The following LMX1A variants were observed in gnomAD, a reference collection of about 807,000 sequenced individuals.
The protein encoded by LMX1A is LIM homeobox transcription factor 1-alpha.
Under a neutral mutation model 49.1 loss-of-function variants are expected in LMX1A, and 15 were observed. That is an observed-to-expected ratio of 0.31 (90% confidence interval 0.20 to 0.47). The LOEUF (loss-of-function observed/expected upper bound fraction) is 0.47, where lower values mean the gene tolerates loss of function less well. LMX1A is among the 20% of genes least tolerant of loss of function. The pLI, the probability that LMX1A is intolerant of heterozygous loss-of-function variation, is 1.00. For synonymous variants in LMX1A, 167 were observed against 185.7 expected (o/e 0.90, Z 0.82); for missense variants, 372 against 475.8 (o/e 0.78, Z 2.03).
chr1:165,258,641 T>A (rs964871238), intron 3 of LMX1A, among the ~76,000 whole-genome samples: 2 of 152,170 alleles, frequency 1.3e-5, no homozygotes, highest in African/African-American at 4.8e-5. Context: ...TGTCTGCACG[T>A]CCCAGAGGCT....
chr1:165,251,187 A>T (rs1653049622), intron 3 of LMX1A, among the ~76,000 whole-genome samples: 1 of 150,894 alleles, frequency 6.6e-6, no homozygotes, highest in Admixed American at 6.6e-5. Context: ...GGTTCAAGCG[A>T]TTCTCCTGCC....
intron 4 of LMX1A, among the ~76,000 whole-genome samples, chr1:165,234,157 C>T (rs7550097): frequency 0.12 from 18,163 of 152,192 alleles, 1,196 homozygotes; most frequent in Non-Finnish European, 0.15. Flanking sequence ...CTCACTCACA[C>T]CAGGATCTCA....
At chr1:165,326,389 T>C (rs1655580715) in intron 3 of LMX1A, among the ~76,000 whole-genome samples, 1 of 152,232 alleles carries the variant, frequency 6.6e-6, no homozygotes. Context: ...GTAACTGCTT[T>C]GCAGACTCCC....
intron 3 of LMX1A, among the ~76,000 whole-genome samples, chr1:165,334,679 T>C (rs886893959): frequency 2.0e-5 from 3 of 152,202 alleles, no homozygotes; most frequent in African/African-American, 7.2e-5. Flanking sequence ...GCTGATGTTG[T>C]CCTGACCATG....
At chr1:165,220,876 G>A (rs1651818666) in intron 4 of LMX1A, among the ~76,000 whole-genome samples, 1 of 152,180 alleles carries the variant, frequency 6.6e-6, no homozygotes, top group Non-Finnish European at 1.5e-5. Context: ...ACTAAGCTGT[G>A]TGCCCTTGGA....
chr1:165,316,349 C>T (rs957949032), intron 3 of LMX1A, among the ~76,000 whole-genome samples: 3 of 152,196 alleles, frequency 2.0e-5, no homozygotes, highest in African/African-American at 7.2e-5. Flanking sequence ...GGGAGCACAG[C>T]GTTGCTGCTT....
intron 5 of LMX1A, chr1:165,213,304 G>T: frequency 4.6e-6 from 1 of 217,962 alleles, no homozygotes; most frequent in Non-Finnish European, 8.9e-6. Flanking sequence ...GCAAGCCACT[G>T]TGTTTTTATA....
At position 165,268,607 on chromosome 1, in the gene LMX1A, G is replaced by A. The variant is rs150024131; in HGVS notation, c.264-18967C>T. On this transcript the variant is annotated intron_variant, in intron 3 of 8. Coordinates refer to ENST00000342310, the MANE Select transcript of LMX1A (RefSeq NM_177398.4). ...TTTTCTAGTATTTAAGGGCAGCTATGATATAGCAGAAAGAGCACTGAAAGG... is the reference window on the plus strand; with the variant it reads ...TTTTCTAGTATTTAAGGGCAGCTATAATATAGCAGAAAGAGCACTGAAAGG... Among the ~76,000 whole-genome samples the A allele has an allele frequency of 5.9e-3, 902 of 152,342 alleles. 8 individuals carry two copies. Among genetic ancestry groups the A allele is most frequent in the Middle Eastern group, 0.054 (16 of 294 alleles).
chr1:165,262,169 T>C (rs944150817), intron 3 of LMX1A, among the ~76,000 whole-genome samples: 1 of 152,184 alleles, frequency 6.6e-6, no homozygotes, highest in Non-Finnish European at 1.5e-5. Flanking sequence ...CCAGCCTCCC[T>C]TGCAGCTAGG....
At chr1:165,223,230 C>A (rs190239366) in intron 4 of LMX1A, among the ~76,000 whole-genome samples, 29 of 152,244 alleles carry the variant, frequency 1.9e-4, no homozygotes, top group Non-Finnish European at 2.9e-5. Flanking sequence ...ACAGTACAGA[C>A]ACAGTAGATA....
chr1:165,282,432 C>T (rs1278613561), intron 3 of LMX1A, among the ~76,000 whole-genome samples: 1 of 152,138 alleles, frequency 6.6e-6, no homozygotes, highest in Non-Finnish European at 1.5e-5. Context: ...CTTATAATAC[C>T]TAACACAACA....
intron 3 of LMX1A, among the ~76,000 whole-genome samples, chr1:165,332,302 A>C (rs1655771571): frequency 6.6e-6 from 1 of 152,206 alleles, no homozygotes. Flanking sequence ...TAATTAAATT[A>C]AATGTTAATG....
chr1:165,220,708 C>T (rs1293358176), intron 4 of LMX1A, among the ~76,000 whole-genome samples: 1 of 152,174 alleles, frequency 6.6e-6, no homozygotes, highest in African/African-American at 2.4e-5. Flanking sequence ...GTCATCTGTA[C>T]ATGCCTTGGG....
chr1:165,230,077 T>G (rs1041332881), intron 4 of LMX1A, among the ~76,000 whole-genome samples: 2 of 152,224 alleles, frequency 1.3e-5, no homozygotes, highest in African/African-American at 4.8e-5. Flanking sequence ...TTTTGCCACT[T>G]GAGAGCACAA....
At chr1:165,247,323 C>G (rs1383731510) in intron 4 of LMX1A, among the ~76,000 whole-genome samples, 1 of 151,946 alleles carries the variant, frequency 6.6e-6, no homozygotes, top group Non-Finnish European at 1.5e-5. Flanking sequence ...AACACCTAAG[C>G]CCTTGGGAAA....
intron 3 of LMX1A, among the ~76,000 whole-genome samples, chr1:165,341,589 A>AAT (rs5778445): frequency 0.29 from 41,704 of 146,318 alleles, 5,922 homozygotes; most frequent in Non-Finnish European, 0.3. Flanking sequence ...CAATAAACCA[A>AAT]ATATATATAT....
chr1:165,257,056 G>A (rs1030038468), intron 3 of LMX1A, among the ~76,000 whole-genome samples: 11 of 152,146 alleles, frequency 7.2e-5, no homozygotes, highest in African/African-American at 2.7e-4. Flanking sequence ...AAGGAAGGGG[G>A]CTTGTGGAGG....
At chr1:165,225,668 A>G (rs187031460) in intron 4 of LMX1A, among the ~76,000 whole-genome samples, 3 of 152,310 alleles carry the variant, frequency 2.0e-5, no homozygotes, top group African/African-American at 7.2e-5. Flanking sequence ...CATGTCCCCA[A>G]ATCACCTGGT....
chr1:165,311,347 A>T (rs1655070624), intron 3 of LMX1A, among the ~76,000 whole-genome samples: 1 of 152,208 alleles, frequency 6.6e-6, no homozygotes, highest in Admixed American at 6.5e-5. Context: ...TCCCAGCTTT[A>T]TGTGGGTTTG....
Sources: allele counts gnomAD v4.1 joint callset (sites outside exome capture counted in the v4.1 genomes callset), GRCh38; gene constraint gnomAD v4.1.1; transcripts MANE v1.5; gene names NCBI Gene and HGNC (gene_info 2026-07-23, HGNC 2026-07-21).